TTLL10: variants seen among roughly 807,000 people sequenced by gnomAD.
TTLL10 encodes inactive polyglycylase TTLL10.
In TTLL10, 61 loss-of-function variants were observed where a neutral mutation model predicts 69.0. The ratio of observed to expected loss-of-function variants is 0.88; its 90% CI spans 0.72 to 1.09. TTLL10 has a LOEUF of 1.09. Ranked by LOEUF, TTLL10 falls within the 50% of genes least tolerant of loss-of-function variation. TTLL10 has a pLI of 0.00. For missense variants in TTLL10, 962 were observed against 945.9 expected (o/e 1.02, Z -0.22); for synonymous variants, 408 against 393.3 (o/e 1.04, Z -0.44).
In TTLL10 at chr1:1,180,615, G is replaced by A; in HGVS notation, c.625+14G>A. On this transcript the variant is annotated intron_variant, in intron 7 of 15. Transcript: ENST00000379289. ...GCTTCCGGGAAGGTAGCGGGAGCCG[G>A]CACCAGAGGCGGGCAGCCTGCAGGG... 4 of 1,552,022 alleles carry A rather than the reference G, an allele frequency of 2.6e-6. No homozygotes were observed. Among genetic ancestry groups the A allele is most frequent in the Non-Finnish European group, 3.5e-6 (4 of 1,147,460 alleles).
Position 1,180,044 on chromosome 1 carries a change from C to T in TTLL10, c.210C>T (p.His70=), listed in dbSNP as rs777313895. ...CCACCCCGTTCACAGGCCCGGCCCA[C>T]GAGAGGCCAATGGGGAGCAGCCAGG... ...APGHCPVGPA[H]ERPMGSSQEE... Residue 70 remains histidine (H), a synonymous_variant, in exon 6 of 16, where the codon CAC becomes CAT. Coordinates refer to ENST00000379289, the MANE Select transcript of TTLL10 (RefSeq NM_001130045.2). 1.5e-5 allele frequency: 24 copies of T among 1,556,722 alleles called. No homozygotes were observed. The highest frequency in any genetic ancestry group is 1.4e-4 in the African/African-American group (10 of 73,850).
Position 1,185,058 on chromosome 1 carries a change from GT to G in TTLL10, c.1352del (p.Phe451SerfsTer50). On this transcript the variant is annotated frameshift_variant, in exon 13 of 16. Transcript: ENST00000379289. LOFTEE classifies it high-confidence loss of function. The surrounding 1 kb of genome is among the most constrained non-coding windows in gnomAD (Gnocchi z 6.1). ...EHLNRYISDT[F>X]WKARGLAKDW... ...ACCTCAACCGCTACATCAGTGACAC[GT>G]TCTGGAAGGCCCGGGGCCTCGCCAA... is the stretch of plus-strand genomic sequence containing the variant. 6.2e-7 allele frequency: 1 copy of G among 1,614,068 alleles called. No individual in the cohort carries two copies. The highest frequency in any genetic ancestry group is 8.5e-7 in the Non-Finnish European group (1 of 1,179,992).
chr1:1,185,141 G>A lies in TTLL10; in HGVS notation c.1401+32G>A. The A allele has an allele frequency of 1.2e-6, 2 of 1,604,102 alleles. No individual in the cohort carries two copies. The highest frequency in any genetic ancestry group is 1.7e-6 in the Non-Finnish European group (2 of 1,173,938). ...CCACTGTGCCCTCCAGTCTGGGAGT[G>A]AGATCCCTCGGGGCGGGGGTGTGTG... is the stretch of plus-strand genomic sequence containing the variant. On this transcript the variant is annotated intron_variant, in intron 13 of 15. Transcript: ENST00000379289. This position sits in a 1 kb window ranked among gnomAD's most constrained non-coding sequence, Gnocchi z 6.1.
chr1:1,180,291 A>T lies in TTLL10; in HGVS notation c.457A>T (p.Thr153Ser). 1 of 1,590,812 alleles carries T rather than the reference A, an allele frequency of 6.3e-7. No individual in the cohort carries two copies. Among genetic ancestry groups the T allele is most frequent in the South Asian group, 1.1e-5 (1 of 88,098 alleles). The change falls in exon 6 of 16, where the codon ACC becomes TCC. Residue 153 changes from threonine to serine, a missense_variant. Thr to Ser is a moderately conservative substitution (Grantham distance 58). Transcript: ENST00000379289. Reference sequence around the variant, plus strand: ...GGGTGGGAAGCCATCGCCCCACAGCACCCGGCCGGGGCCCTTCTTCTACAT... The same window carrying T: ...GGGTGGGAAGCCATCGCCCCACAGCTCCCGGCCGGGGCCCTTCTTCTACAT... ...LGGGKPSPHS[T>S]RPGPFFYIGG...
chr1:1,183,231 G>A (rs1359391468), intron 11 of TTLL10, among the ~76,000 whole-genome samples, 184 bp downstream of exon 11: 2 of 152,184 alleles, frequency 1.3e-5, no homozygotes, highest in African/African-American at 4.8e-5. Flanking sequence ...CCAGGCCGGG[G>A]TCACAGACAC....
At chr1:1,188,552 C>G (rs1335509090) in intron 13 of TTLL10, among the ~76,000 whole-genome samples, 1 of 151,914 alleles carries the variant, frequency 6.6e-6, no homozygotes, top group East Asian at 1.9e-4. Context: ...TTACAGGCAC[C>G]CACCACCACG....
chr1:1,194,445 G>A (rs780308105), intron 13 of TTLL10, among the ~76,000 whole-genome samples: 3 of 152,074 alleles, frequency 2.0e-5, no homozygotes, highest in Non-Finnish European at 4.4e-5. Context: ...CCTTTTCTGG[G>A]GCTCTTTATT....
intron 13 of TTLL10, among the ~76,000 whole-genome samples, chr1:1,193,625 G>A (rs112761379): frequency 8.6e-5 from 13 of 151,644 alleles, no homozygotes; most frequent in East Asian, 4.0e-4. Context: ...CACCACACCC[G>A]GCTAATTTTT....
rs149341447 is a variant in TTLL10 at position 1,185,015 on chromosome 1, C to T, written c.1307C>T (p.Thr436Met). The T allele has an allele frequency of 1.2e-5, 19 of 1,613,696 alleles. No individual in the cohort carries two copies. The highest frequency in any genetic ancestry group is 8.0e-5 in the African/African-American group (6 of 74,938). ...CTGTACATGCTGCTGAAGGAGCACACGGTGTGGAGCATGGAACACCTCAAC... is the reference window on the plus strand; with the variant it reads ...CTGTACATGCTGCTGAAGGAGCACATGGTGTGGAGCATGGAACACCTCAAC... The part of the protein sequence containing the change: ...SPLYMLLKEH[T>M]VWSMEHLNRY... The change falls in exon 13 of 16, where the codon ACG becomes ATG. Residue 436 changes from threonine to methionine, a missense_variant. Thr to Met is a moderately conservative substitution (Grantham distance 81). Transcript: ENST00000379289. The surrounding 1 kb of genome is among the most constrained non-coding windows in gnomAD (Gnocchi z 6.1).
In TTLL10 at chr1:1,181,869, C is replaced by A; in HGVS notation, c.830+54C>A. Reference sequence around the variant, plus strand: ...TTCAGACCGAAGTTCAGACCTAAACCTGGTGTCGTCTGAAAAGGAGAAAGC... The same window carrying A: ...TTCAGACCGAAGTTCAGACCTAAACATGGTGTCGTCTGAAAAGGAGAAAGC... On this transcript the variant is annotated intron_variant, in intron 9 of 15. Coordinates refer to ENST00000379289, the MANE Select transcript of TTLL10 (RefSeq NM_001130045.2). The surrounding 1 kb of genome is among the most constrained non-coding windows in gnomAD (Gnocchi z 4.6). The A allele has an allele frequency of 6.7e-7, 1 of 1,491,940 alleles. No individual in the cohort carries two copies. The highest frequency in any genetic ancestry group is 9.2e-7 in the Non-Finnish European group (1 of 1,091,216). The allele number at this position is 1,491,940 out of a possible 1,614,324, so 92.4% of individuals were successfully genotyped here.
intron 5 of TTLL10, 40 bp downstream of exon 5, chr1:1,179,777 C>A: frequency 6.6e-7 from 1 of 1,511,756 alleles, no homozygotes; most frequent in Non-Finnish European, 8.9e-7. Context: ...GCCCCCTGCT[C>A]CAAGCTCCCC....
intron 13 of TTLL10, among the ~76,000 whole-genome samples, chr1:1,187,081 C>CAG (rs1647394296): frequency 6.6e-6 from 1 of 151,496 alleles, no homozygotes; most frequent in African/African-American, 2.4e-5. Flanking sequence ...CTCCTGACCT[C>CAG]GTGATCTGCC....
chr1:1,196,365 T>C (rs1648207622), intron 13 of TTLL10: 2 of 520,496 alleles, frequency 3.8e-6, no homozygotes, highest in Non-Finnish European at 7.0e-6. Flanking sequence ...CTGTGAGTTT[T>C]CCTCACTCTC....
At position 1,180,222 on chromosome 1, in the gene TTLL10, G is replaced by A. The variant is rs139755178; in HGVS notation, c.388G>A (p.Ala130Thr). 1,415 of 1,609,390 alleles carry A rather than the reference G, an allele frequency of 8.8e-4. 16 individuals are homozygous for A. The highest frequency in any genetic ancestry group is 3.8e-3 in the Middle Eastern group (23 of 6,000). The change falls in exon 6 of 16, where the codon GCC (alanine) becomes ACC (threonine). Residue 130 changes from alanine (A) to threonine (T), a missense_variant. Transcript: ENST00000379289. The part of the protein sequence containing the change: ...HRPADSDDTN[A>T]AGPSAALLEG... ...GCCTGCAGACTCGGATGACACTAAC[G>A]CCGCCGGGCCCTCAGCTGCCCTCCT...
chr1:1,190,038 G>A (rs2100907367), intron 13 of TTLL10, among the ~76,000 whole-genome samples: 1 of 151,734 alleles, frequency 6.6e-6, no homozygotes, highest in Non-Finnish European at 1.5e-5. Flanking sequence ...CGTGAACCCG[G>A]GAGGCGGAGC....
rs1273740799 is a variant in TTLL10 at position 1,185,049 on chromosome 1, C to T, written c.1341C>T (p.Ile447=). 4 of 1,614,086 alleles carry T rather than the reference C, an allele frequency of 2.5e-6. No homozygotes were observed. Among genetic ancestry groups the T allele is most frequent in the Non-Finnish European group, 3.4e-6 (4 of 1,180,012 alleles). ...GCATGGAACACCTCAACCGCTACAT[C>T]AGTGACACGTTCTGGAAGGCCCGGG... is the stretch of plus-strand genomic sequence containing the variant. ...VWSMEHLNRY[I]SDTFWKARGL... Residue 447 remains isoleucine (I), a synonymous_variant, in exon 13 of 16, where the codon ATC becomes ATT. Transcript: ENST00000379289. The surrounding 1 kb of genome is among the most constrained non-coding windows in gnomAD (Gnocchi z 6.1).
chr1:1,184,084 C>G lies in TTLL10; in HGVS notation c.1253C>G (p.Thr418Ser). ...PHSSDLGGHLTNQFMQKKSPL... is the reference protein window; with the variant it reads ...PHSSDLGGHLSNQFMQKKSPL... ...TCCAGCGACCTCGGCGGCCACTTGA[C>G]CAACCAGGTGAGTCTGCCATGGGTG... Residue 418 changes from threonine (T) to serine (S), a missense_variant, in exon 12 of 16, where the codon ACC becomes AGC. Thr to Ser is a moderately conservative substitution (Grantham distance 58). Transcript: ENST00000379289. The G allele has an allele frequency of 1.2e-6, 2 of 1,614,208 alleles. No homozygotes were observed. Among genetic ancestry groups the G allele is most frequent in the Non-Finnish European group, 8.5e-7 (1 of 1,180,022 alleles).
At chr1:1,182,660 G>T (rs1453413471) in intron 10 of TTLL10, among the ~76,000 whole-genome samples, 2 of 152,018 alleles carry the variant, frequency 1.3e-5, no homozygotes, top group Admixed American at 6.5e-5. Flanking sequence ...GGAGGTTGGG[G>T]TATGAGGGCA....
chr1:1,179,031 G>C (rs1646956516), intron 3 of TTLL10, among the ~76,000 whole-genome samples, 158 bp from the exon 4 acceptor site: 1 of 152,260 alleles, frequency 6.6e-6, no homozygotes, highest in Non-Finnish European at 1.5e-5. Flanking sequence ...AGCTGCCACA[G>C]AGACGGGAGC....
Sources: gnomAD v4.1 joint callset for allele counts (sites outside exome capture counted in the v4.1 genomes callset) on GRCh38, gnomAD v4.1.1 for gene constraint, Gnocchi (gnomAD v3.1) non-coding constraint, MANE v1.5 for transcripts, NCBI Gene and HGNC (gene_info 2026-07-23, HGNC 2026-07-21) for gene names.